Variants in ST7 observed in about 807,000 individuals in gnomAD.
ST7 encodes suppression of tumorigenicity 7, also known as suppressor of tumorigenicity 7 protein.
A neutral mutation model predicts 78.7 loss-of-function variants in ST7; 28 were observed. That is an observed-to-expected ratio of 0.36 (90% CI 0.26 to 0.49). ST7 has a LOEUF of 0.49. ST7 is among the 20% of genes least tolerant of loss of function. ST7 has a pLI of 0.99. For synonymous variants in ST7, 247 were observed against 249.6 expected (o/e 0.99, Z 0.10); for missense variants, 418 against 696.0 (o/e 0.60, Z 4.49).
chr7:116,954,626 A>G (rs1792350620), intron 1 of ST7: 1 of 153,054 alleles, frequency 6.5e-6, no homozygotes, highest in Non-Finnish European at 1.5e-5. Flanking sequence ...GTTCCGAAAC[A>G]CAAAGTAAAT....
chr7:117,127,541 A>T (rs573171714), intron 3 of ST7, among the ~76,000 whole-genome samples: 1 of 152,068 alleles, frequency 6.6e-6, no homozygotes, highest in South Asian at 2.1e-4. Context: ...AAAGGGCATA[A>T]CTAATGAAGA....
At chr7:116,995,398 G>A (rs375193650) in intron 1 of ST7, among the ~76,000 whole-genome samples, 2 of 152,228 alleles carry the variant, frequency 1.3e-5, no homozygotes, top group East Asian at 3.9e-4. Flanking sequence ...CCAATGAAAG[G>A]CATTATTATT....
chr7:117,197,936 T>C (rs758948253), intron 12 of ST7, among the ~76,000 whole-genome samples: 1 of 152,036 alleles, frequency 6.6e-6, no homozygotes, highest in Non-Finnish European at 1.5e-5. Context: ...ACAAAAAAAT[T>C]AGCTGGGTGT....
chr7:117,215,097 G>A (rs1792590594), intron 13 of ST7, among the ~76,000 whole-genome samples: 1 of 152,120 alleles, frequency 6.6e-6, no homozygotes, highest in Non-Finnish European at 1.5e-5. Context: ...TAGTGAGTCT[G>A]CTGTAAGACC....
At chr7:117,103,751 T>C (rs1435002324) in intron 2 of ST7, among the ~76,000 whole-genome samples, 1 of 152,126 alleles carries the variant, frequency 6.6e-6, no homozygotes, top group African/African-American at 2.4e-5. Context: ...ACAAATGGGA[T>C]TATATCAAGT....
At chr7:117,138,985 C>T (rs1805038726) in intron 9 of ST7, among the ~76,000 whole-genome samples, 1 of 152,116 alleles carries the variant, frequency 6.6e-6, no homozygotes, top group African/African-American at 2.4e-5. Context: ...GGTCAAATTA[C>T]TACTCTCAAA....
In ST7 at chr7:117,202,038, G is replaced by T. The variant is rs1197263879; in HGVS notation, c.1255-7749G>T. Among the ~76,000 whole-genome samples, 3 of 21,132 alleles carry T rather than the reference G, an allele frequency of 1.4e-4. 1 individual carries two copies. Among genetic ancestry groups the T allele is most frequent in the African/African-American group, 3.6e-4 (3 of 8,382 alleles). The allele number at this position is 21,132 out of a possible 152,430, so 13.9% of individuals were successfully genotyped here. A position where few individuals can be genotyped will look rare whatever the true frequency, so the allele number is the denominator to read the frequency against. On this transcript the variant is annotated intron_variant, in intron 12 of 15. Transcript: ENST00000323984. ...TGCAGTGGCGGGATCTTGGCTCACT[G>T]CAAGCTCCGCCTCCCGGGTTCACGC...
At chr7:117,154,285 G>A (rs1372196452) in intron 9 of ST7, among the ~76,000 whole-genome samples, 2 of 152,086 alleles carry the variant, frequency 1.3e-5, no homozygotes, top group African/African-American at 4.8e-5. Flanking sequence ...CCAGGAAGAG[G>A]GCCCTCACCG....
At chr7:117,203,064 T>A (rs910847706) in intron 12 of ST7, among the ~76,000 whole-genome samples, 1 of 152,146 alleles carries the variant, frequency 6.6e-6, no homozygotes, top group Non-Finnish European at 1.5e-5. Flanking sequence ...TTGAAAAAAA[T>A]TTTGTATAAA....
chr7:117,049,618 A>G (rs1260914203), intron 1 of ST7, among the ~76,000 whole-genome samples: 2 of 152,232 alleles, frequency 1.3e-5, no homozygotes, highest in Non-Finnish European at 2.9e-5. Context: ...AGATAAAAAG[A>G]TATTTTGCAA....
intron 9 of ST7, among the ~76,000 whole-genome samples, chr7:117,161,779 T>C (rs1402740169): frequency 1.3e-5 from 2 of 152,014 alleles, no homozygotes; most frequent in East Asian, 3.9e-4. Context: ...TTTGTATTTT[T>C]AGTAGAGATG....
chr7:117,054,649 T>C (rs1797970819), intron 1 of ST7, among the ~76,000 whole-genome samples: 1 of 152,258 alleles, frequency 6.6e-6, no homozygotes, highest in Non-Finnish European at 1.5e-5. Flanking sequence ...GGTTTTTGGT[T>C]TATTTGGTAA....
intron 9 of ST7, among the ~76,000 whole-genome samples, chr7:117,159,990 T>A (rs1483896451): frequency 1.3e-5 from 2 of 151,882 alleles, no homozygotes; most frequent in African/African-American, 2.4e-5. Flanking sequence ...TCACCTGAGA[T>A]CAGGAGTTCG....
chr7:117,205,612 A>G (rs1363089116), intron 12 of ST7, among the ~76,000 whole-genome samples: 1 of 152,206 alleles, frequency 6.6e-6, no homozygotes, highest in Admixed American at 6.5e-5. Context: ...AATAGGCCAC[A>G]TCTCTTCAGC....
intron 10 of ST7, among the ~76,000 whole-genome samples, chr7:117,174,948 G>A (rs1458641230): frequency 6.6e-6 from 1 of 152,198 alleles, no homozygotes; most frequent in Admixed American, 6.5e-5. Flanking sequence ...GATGTGCTGG[G>A]CCTCTCTCAC....
chr7:117,050,928 C>CAA (rs11302280), intron 1 of ST7, among the ~76,000 whole-genome samples: 4 of 112,184 alleles, frequency 3.6e-5, no homozygotes, highest in African/African-American at 9.7e-5. Flanking sequence ...GACTACGTCT[C>CAA]AAAAAAAAAA....
intron 9 of ST7, among the ~76,000 whole-genome samples, chr7:117,160,653 G>GTATATATATA (rs1554443282): frequency 2.7e-5 from 4 of 147,616 alleles, no homozygotes; most frequent in South Asian, 2.2e-4. Flanking sequence ...GTGTGTGTGT[G>GTATATATATA]TATATATATA....
intron 1 of ST7, among the ~76,000 whole-genome samples, chr7:116,994,653 T>C (rs1794571522): frequency 6.6e-6 from 1 of 152,180 alleles, no homozygotes; most frequent in African/African-American, 2.4e-5. Context: ...AGAAAATCTT[T>C]AGTGATATTT....
chr7:116,970,031 C>G (rs771651259), intron 1 of ST7, among the ~76,000 whole-genome samples: 3 of 152,024 alleles, frequency 2.0e-5, no homozygotes, highest in Non-Finnish European at 4.4e-5. Context: ...GCCGAGATCG[C>G]GCCATTGCAC....
Sources: gnomAD v4.1 joint callset for allele counts (sites outside exome capture counted in the v4.1 genomes callset) on GRCh38, gnomAD v4.1.1 for gene constraint, MANE v1.5 for transcripts, NCBI Gene and HGNC (gene_info 2026-07-23, HGNC 2026-07-21) for gene names.